The following IQSEC1 variants were observed in gnomAD, a reference collection of about 807,000 sequenced individuals.
IQSEC1 encodes IQ motif and SEC7 domain-containing protein 1.
IQSEC1 carries 31 observed loss-of-function variants against 91.0 expected under a neutral mutation model. The observed-to-expected ratio is 0.34, with a 90% CI of 0.26 to 0.46. The LOEUF (loss-of-function observed/expected upper bound fraction) is 0.46, where lower values mean the gene tolerates loss of function less well. IQSEC1 is among the 20% of genes least tolerant of loss of function. The pLI is 1.00. For synonymous variants in IQSEC1, 699 were observed against 662.6 expected (o/e 1.05, Z -0.84); for missense variants, 1,388 against 1,575.6 (o/e 0.88, Z 2.02).
chr3:13,155,456 C>A (rs1707071475), intron 2 of IQSEC1, among the ~76,000 whole-genome samples: 1 of 152,140 alleles, frequency 6.6e-6, no homozygotes, highest in African/African-American at 2.4e-5. Context: ...GGACTCATAA[C>A]TAATAAGGAG....
At chr3:12,966,950 A>G (rs1429802191) in intron 1 of IQSEC1, among the ~76,000 whole-genome samples, 2 of 152,088 alleles carry the variant, frequency 1.3e-5, no homozygotes, top group Non-Finnish European at 2.9e-5. Context: ...GCAGTTGGAA[A>G]CAGGCACAGA....
intron 1 of IQSEC1, among the ~76,000 whole-genome samples, chr3:13,223,019 C>A (rs1694690414): frequency 3.3e-5 from 5 of 152,338 alleles, no homozygotes; most frequent in Admixed American, 3.3e-4. Context: ...AAAAAGGGGT[C>A]TTTTGTCAGA....
chr3:12,945,530 C>CAA (rs1264625719), intron 1 of IQSEC1, among the ~76,000 whole-genome samples: 66 of 119,226 alleles, frequency 5.5e-4, no homozygotes, highest in African/African-American at 7.9e-4. Flanking sequence ...TTCCACACTC[C>CAA]AAAAAAAAAA....
intron 1 of IQSEC1, among the ~76,000 whole-genome samples, chr3:13,279,782 G>T (rs1008519003): frequency 4.6e-5 from 7 of 152,174 alleles, no homozygotes; most frequent in African/African-American, 1.4e-4. Context: ...GGGGGAAAGG[G>T]GAGCAGAGTC....
Position 13,152,596 on chromosome 3 carries a change from C to T in IQSEC1, c.302+11508G>A, listed in dbSNP as rs377571231. 3.3e-3 allele frequency among the ~76,000 whole-genome samples: 504 copies of T among 152,302 alleles called. 1 individual carries two copies. The highest frequency in any genetic ancestry group is 0.012 in the African/African-American group (484 of 41,572). On this transcript the variant is annotated intron_variant, in intron 2 of 15. Coordinates refer to the IQSEC1 transcript ENST00000648114. ...AAATTTGTTCTTGGTTCCAGCTGGGCGTGGTGGCTCACGCCTATAATCCCA... is the reference window on the plus strand; with the variant it reads ...AAATTTGTTCTTGGTTCCAGCTGGGTGTGGTGGCTCACGCCTATAATCCCA...
chr3:13,181,274 C>A (rs1666663), intron 1 of IQSEC1, among the ~76,000 whole-genome samples: 3,905 of 20,778 alleles, frequency 0.19, 163 homozygotes, highest in African/African-American at 0.34. Flanking sequence ...CCGTCTCAAA[C>A]AAACAAACAA....
At chr3:13,031,763 G>A (rs1703850752) in intron 1 of IQSEC1, among the ~76,000 whole-genome samples, 1 of 152,136 alleles carries the variant, frequency 6.6e-6, no homozygotes, top group Non-Finnish European at 1.5e-5. Context: ...ACAAAACTGA[G>A]TGACTGTGAA....
intron 1 of IQSEC1, among the ~76,000 whole-genome samples, chr3:13,251,326 T>C (rs1054457076): frequency 2.0e-5 from 3 of 152,240 alleles, no homozygotes; most frequent in Non-Finnish European, 4.4e-5. Context: ...CCACCATTAT[T>C]GTCTGGCTTT....
chr3:12,946,890 C>G (rs71306029), intron 1 of IQSEC1, among the ~76,000 whole-genome samples: 5 of 152,208 alleles, frequency 3.3e-5, no homozygotes, highest in African/African-American at 1.2e-4. Flanking sequence ...CCTGGGACAC[C>G]TGCATGCCCT....
chr3:13,084,183 G>A (rs1047117808), intron 2 of IQSEC1, among the ~76,000 whole-genome samples: 7 of 152,132 alleles, frequency 4.6e-5, no homozygotes, highest in African/African-American at 1.7e-4. Flanking sequence ...AGCTCAGGTG[G>A]GGTTTTCAGA....
chr3:12,921,454 G>A (rs1418412515), intron 5 of IQSEC1, among the ~76,000 whole-genome samples: 1 of 152,234 alleles, frequency 6.6e-6, no homozygotes, highest in African/African-American at 2.4e-5. Context: ...CTTCTACACT[G>A]CCAGTCTGCA....
chr3:13,054,831 G>A (rs1387433471), intron 1 of IQSEC1, among the ~76,000 whole-genome samples: 1 of 152,214 alleles, frequency 6.6e-6, no homozygotes, highest in African/African-American at 2.4e-5. Flanking sequence ...CGGGTCAGAC[G>A]GACCCTGTTG....
intron 6 of IQSEC1, among the ~76,000 whole-genome samples, chr3:12,917,661 G>A (rs1333834499): frequency 6.6e-6 from 1 of 152,144 alleles, no homozygotes; most frequent in East Asian, 1.9e-4. Context: ...ACGTCTGGTG[G>A]TTGCCACATT....
At chr3:13,128,353 T>C (rs557843673) in intron 2 of IQSEC1, among the ~76,000 whole-genome samples, 47 of 152,334 alleles carry the variant, frequency 3.1e-4, no homozygotes, top group African/African-American at 1.1e-3. Flanking sequence ...TTATTCCAAT[T>C]TTTTTTCCTG....
At chr3:13,035,395 C>T (rs1333895561) in intron 1 of IQSEC1, among the ~76,000 whole-genome samples, 1 of 152,196 alleles carries the variant, frequency 6.6e-6, no homozygotes, top group African/African-American at 2.4e-5. Context: ...CTTGAGAAGT[C>T]CTCCTCAGCC....
chr3:13,265,213 G>A (rs1392484004), intron 1 of IQSEC1, among the ~76,000 whole-genome samples: 1 of 152,142 alleles, frequency 6.6e-6, no homozygotes, highest in African/African-American at 2.4e-5. Flanking sequence ...GATCCCTGCC[G>A]GCCCCACCAC....
In IQSEC1 at chr3:12,898,350, CAG is replaced by C. The variant is rs1375369857; in HGVS notation, c.*2631_*2632del. ...ACTTTTGATAAGCTTGCAAATAAAA[CAG>C]AATGAAACCTCACTAGCCTGAAGGA... is the stretch of plus-strand genomic sequence containing the variant. On this transcript the variant is annotated 3_prime_UTR_variant, in exon 14 of 14. Transcript: ENST00000613206. The C allele has an allele frequency of 1.3e-5, 2 of 152,278 alleles. No individual in the cohort carries two copies. Among genetic ancestry groups the C allele is most frequent in the East Asian group, 1.9e-4 (1 of 5,204 alleles). 9.4% of individuals were successfully genotyped at this position (152,278 alleles called of 1,614,324 possible).
chr3:12,923,939 A>G (rs577632088), intron 4 of IQSEC1, among the ~76,000 whole-genome samples: 1 of 152,350 alleles, frequency 6.6e-6, no homozygotes, highest in South Asian at 2.1e-4. Flanking sequence ...GCTTTCAAGT[A>G]GCCGGGAGTG....
At chr3:13,015,643 CG>C in intron 1 of IQSEC1, 1 of 985,206 alleles carries the variant, frequency 1.0e-6, no homozygotes, top group Non-Finnish European at 1.2e-6. Flanking sequence ...TCTGCGGCCC[CG>C]GGGGATGAGC....
Sources: allele counts gnomAD v4.1 joint callset (sites outside exome capture counted in the v4.1 genomes callset), GRCh38; gene constraint gnomAD v4.1.1; transcripts MANE v1.5; gene names NCBI Gene and HGNC (gene_info 2026-07-23, HGNC 2026-07-21).